The following SEMA5B variants were observed in gnomAD, a reference collection of about 807,000 sequenced individuals.
SEMA5B encodes the protein semaphorin-5B.
Under a neutral mutation model 135.0 loss-of-function variants are expected in SEMA5B, and 66 were observed. The observed-to-expected ratio is 0.49, with a 90% CI of 0.40 to 0.60. SEMA5B has a LOEUF of 0.60. Ranked by LOEUF, SEMA5B falls within the 20% of genes least tolerant of loss-of-function variation. The probability of loss-of-function intolerance (pLI) is 0.00; values close to 1 mark genes in which losing one functional copy is unlikely to be tolerated. For missense variants in SEMA5B, 1,501 were observed against 1,566.3 expected (o/e 0.96, Z 0.70); for synonymous variants, 690 against 639.5 (o/e 1.08, Z -1.19).
At chr3:123,018,747 T>C (rs552497780) in intron 1 of SEMA5B, among the ~76,000 whole-genome samples, 1 of 152,306 alleles carries the variant, frequency 6.6e-6, no homozygotes, top group Non-Finnish European at 1.5e-5. Flanking sequence ...TGATTTCCAG[T>C]AGAAGTCAGA....
At chr3:123,004,055 C>G (rs1942247062) in intron 1 of SEMA5B, among the ~76,000 whole-genome samples, 1 of 152,052 alleles carries the variant, frequency 6.6e-6, no homozygotes, top group Admixed American at 6.6e-5. Flanking sequence ...CATTTATGGC[C>G]CAACCCCTGC....
chr3:122,972,342 C>T (rs1229388036), intron 1 of SEMA5B, among the ~76,000 whole-genome samples: 1 of 152,196 alleles, frequency 6.6e-6, no homozygotes, highest in Non-Finnish European at 1.5e-5. Flanking sequence ...CTCCAAGCCA[C>T]ATGGTAACAC....
chr3:122,930,324 G>T (rs9835253), intron 5 of SEMA5B, among the ~76,000 whole-genome samples: 3,857 of 152,294 alleles, frequency 0.025, 136 homozygotes, highest in African/African-American at 0.088. Flanking sequence ...CAAGTTTGGA[G>T]CCCAGGCTTC....
intron 16 of SEMA5B, 49 bp downstream of exon 16, chr3:122,913,485 G>C: frequency 6.3e-7 from 1 of 1,575,940 alleles, no homozygotes; most frequent in Non-Finnish European, 8.6e-7. Context: ...CCCTCCCCTC[G>C]GCTCCAGTAC....
At chr3:123,009,879 CA>C (rs940368385) in intron 1 of SEMA5B, among the ~76,000 whole-genome samples, 1 of 152,118 alleles carries the variant, frequency 6.6e-6, no homozygotes, top group African/African-American at 2.4e-5. Flanking sequence ...TTGGGCTGGG[CA>C]AAGAGACACA....
At chr3:122,975,969 T>TA in intron 1 of SEMA5B, 1 of 1,534,224 alleles carries the variant, frequency 6.5e-7, no homozygotes, top group South Asian at 1.2e-5. Flanking sequence ...ATCCCAAATC[T>TA]AGAAACTCTT....
Position 122,927,696 on chromosome 3 carries a change from G to T in SEMA5B, c.850+94C>A. The T allele has an allele frequency of 5.4e-6, 5 of 929,226 alleles. No homozygotes were observed. The South Asian group carries it at 1.4e-4, about 26-fold the overall frequency. 57.6% of individuals were successfully genotyped at this position (929,226 alleles called of 1,614,324 possible). A position where few individuals can be genotyped will look rare whatever the true frequency, so the allele number is the denominator to read the frequency against. Reference sequence around the variant, plus strand: ...TGAGGCAAGTGGGAGCACTTGCAGAGGTTGGCAGGAAGGAGGATGAATGGG... The same window carrying T: ...TGAGGCAAGTGGGAGCACTTGCAGATGTTGGCAGGAAGGAGGATGAATGGG... On this transcript the variant is annotated intron_variant, in intron 8 of 22. Transcript: ENST00000357599.
intron 9 of SEMA5B, among the ~76,000 whole-genome samples, chr3:122,925,585 G>A (rs1451480165): frequency 6.6e-6 from 1 of 151,868 alleles, no homozygotes; most frequent in Non-Finnish European, 1.5e-5. Flanking sequence ...CAGGAGAATC[G>A]CTTGAACCCA....
intron 1 of SEMA5B, chr3:122,975,081 G>C (rs929936384): frequency 3.3e-5 from 5 of 152,210 alleles, no homozygotes; most frequent in African/African-American, 1.2e-4. Flanking sequence ...GAAGGGAGTG[G>C]GAAACCGTGT....
chr3:122,911,222 C>T (rs1937681417), intron 21 of SEMA5B, 177 bp from the exon 22 acceptor site: 1 of 1,061,910 alleles, frequency 9.4e-7, no homozygotes, highest in South Asian at 1.6e-5. Flanking sequence ...GGACCTCTTT[C>T]ACAAGGTACC....
chr3:122,992,190 A>G (rs1356231191), intron 1 of SEMA5B, among the ~76,000 whole-genome samples: 2 of 152,192 alleles, frequency 1.3e-5, no homozygotes, highest in African/African-American at 4.8e-5. Context: ...TTTGCAAAGA[A>G]AAAAAGAGTT....
rs981354507 is a variant in SEMA5B, at chr3:122,971,968, G to A, written c.-38-10667C>T. ...AACAACTTCTTCACAGACTTGTGAA[G>A]GTGAGATACTTGTGCACTGAGAGCG... On this transcript the variant is annotated intron_variant, in intron 1 of 22. Coordinates refer to ENST00000357599, the MANE Select transcript of SEMA5B (RefSeq NM_001031702.4). 2.6e-5 allele frequency among the ~76,000 whole-genome samples: 4 copies of A among 152,234 alleles called. No individual in the cohort carries two copies. The East Asian group carries it at 7.7e-4, about 29-fold the overall frequency.
chr3:123,005,415 G>A (rs1028351954), intron 1 of SEMA5B, among the ~76,000 whole-genome samples: 1 of 152,146 alleles, frequency 6.6e-6, no homozygotes, highest in African/African-American at 2.4e-5. Context: ...AGACTGGAGT[G>A]CAGTGGTGCG....
chr3:122,975,868 C>T (rs971263989), intron 1 of SEMA5B: 2 of 1,249,980 alleles, frequency 1.6e-6, no homozygotes, highest in African/African-American at 1.5e-5. Context: ...CAAATCCAAA[C>T]ACCCTGCATA....
chr3:122,954,564 G>T (rs189592273), intron 2 of SEMA5B, among the ~76,000 whole-genome samples: 50 of 152,314 alleles, frequency 3.3e-4, no homozygotes, highest in Non-Finnish European at 6.0e-4. Flanking sequence ...TCAGGAAGAG[G>T]TGGCCCATGA....
At chr3:122,979,286 T>C (rs888790230) in intron 1 of SEMA5B, among the ~76,000 whole-genome samples, 7 of 152,148 alleles carry the variant, frequency 4.6e-5, no homozygotes, top group Non-Finnish European at 7.4e-5. Flanking sequence ...AGCCCCTCTG[T>C]CTCTGAGATC....
intron 5 of SEMA5B, 54 bp from the exon 6 acceptor site, chr3:122,929,112 C>A: frequency 6.5e-7 from 1 of 1,547,282 alleles, no homozygotes; most frequent in Non-Finnish European, 8.9e-7. Context: ...TCATTTACTG[C>A]CACTCACTGG....
intron 1 of SEMA5B, among the ~76,000 whole-genome samples, chr3:123,023,449 A>T (rs137975473): frequency 2.0e-5 from 3 of 152,226 alleles, no homozygotes; most frequent in South Asian, 4.2e-4. Flanking sequence ...AGTATAAGTA[A>T]CACTCCCTCC....
chr3:122,935,682 C>CTTTTTTTTTTTTTTTTTTTTTT (rs1402707939), intron 5 of SEMA5B, among the ~76,000 whole-genome samples: 2 of 70,740 alleles, frequency 2.8e-5, no homozygotes, highest in Non-Finnish European at 5.3e-5. Flanking sequence ...CTTTTTCTTT[C>CTTTTTTTTTTTTTTTTTTTTTT]TTTCTTTTTT....
Sources: allele counts gnomAD v4.1 joint callset (sites outside exome capture counted in the v4.1 genomes callset), GRCh38; gene constraint gnomAD v4.1.1; transcripts MANE v1.5; gene names NCBI Gene and HGNC (gene_info 2026-07-23, HGNC 2026-07-21).